GPC5: variants seen among roughly 807,000 people sequenced by gnomAD.
GPC5 encodes glypican 5.
Under a neutral mutation model 53.9 loss-of-function variants are expected in GPC5, and 47 were observed. That is an observed-to-expected ratio of 0.87 (90% confidence interval 0.69 to 1.11). The LOEUF is 1.11. Among genes scored for constraint, GPC5 ranks in the 50% most tolerant of loss-of-function variants. The pLI is 0.00. For synonymous variants in GPC5, 286 were observed against 263.3 expected (o/e 1.09, Z -0.84); for missense variants, 748 against 713.1 (o/e 1.05, Z -0.56).
intron 7 of GPC5, among the ~76,000 whole-genome samples, chr13:92,764,438 G>A (rs544114756): frequency 6.6e-6 from 1 of 152,328 alleles, no homozygotes; most frequent in Non-Finnish European, 1.5e-5. Context: ...CCTCTTAGGA[G>A]GAACACAGCC....
At chr13:92,219,507 C>T (rs1477894880) in intron 7 of GPC5, among the ~76,000 whole-genome samples, 1 of 152,102 alleles carries the variant, frequency 6.6e-6, no homozygotes, top group African/African-American at 2.4e-5. Flanking sequence ...CCCTACTTTC[C>T]ACACCCAAGT....
At chr13:91,525,276 A>G (rs1331376406) in intron 2 of GPC5, among the ~76,000 whole-genome samples, 5 of 152,226 alleles carry the variant, frequency 3.3e-5, no homozygotes, top group African/African-American at 1.2e-4. Flanking sequence ...TAAATTATGT[A>G]ATCAATAAAA....
intron 7 of GPC5, among the ~76,000 whole-genome samples, chr13:92,785,100 A>G (rs994129483): frequency 1.3e-5 from 2 of 151,864 alleles, no homozygotes; most frequent in African/African-American, 2.4e-5. Flanking sequence ...ACATGATGAA[A>G]CCCTGTCTCT....
chr13:91,681,169 G>C (rs557357698), intron 2 of GPC5, among the ~76,000 whole-genome samples: 2 of 152,206 alleles, frequency 1.3e-5, no homozygotes, highest in South Asian at 4.2e-4. Context: ...AATCGGCTTG[G>C]AGTTTTATTT....
At chr13:92,705,274 AT>A (rs1455808686) in intron 7 of GPC5, among the ~76,000 whole-genome samples, 2 of 152,086 alleles carry the variant, frequency 1.3e-5, no homozygotes, top group East Asian at 3.9e-4. Flanking sequence ...GTGAGGTTCT[AT>A]ATTCCAACTT....
chr13:92,588,915 G>T (rs1465977701), intron 7 of GPC5, among the ~76,000 whole-genome samples: 2 of 152,130 alleles, frequency 1.3e-5, no homozygotes, highest in Admixed American at 6.5e-5. Flanking sequence ...TTATGTAGAA[G>T]TCTCATCCTA....
At chr13:92,141,910 C>T (rs1256242281) in intron 6 of GPC5, among the ~76,000 whole-genome samples, 1 of 152,102 alleles carries the variant, frequency 6.6e-6, no homozygotes, top group Non-Finnish European at 1.5e-5. Flanking sequence ...CAGTTCCTTG[C>T]CATAGGACCT....
At chr13:92,078,179 G>C (rs984830322) in intron 6 of GPC5, among the ~76,000 whole-genome samples, 1 of 152,092 alleles carries the variant, frequency 6.6e-6, no homozygotes, top group African/African-American at 2.4e-5. Flanking sequence ...AGTGTTTTTG[G>C]ATAATTAATT....
chr13:91,830,247 A>C (rs1430215615), intron 5 of GPC5, among the ~76,000 whole-genome samples: 1 of 152,080 alleles, frequency 6.6e-6, no homozygotes, highest in African/African-American at 2.4e-5. Flanking sequence ...TGCTTTTGAA[A>C]GAAGAGAAAT....
chr13:91,989,565 G>A (rs1278390545), intron 6 of GPC5, among the ~76,000 whole-genome samples: 1 of 152,028 alleles, frequency 6.6e-6, no homozygotes, highest in African/African-American at 2.4e-5. Flanking sequence ...TTGCATTCAA[G>A]GATTACATAC....
chr13:92,587,273 A>C lies in GPC5; in HGVS notation c.1562-279009A>C, dbSNP rs1883568355. ...AAAGTTAATAACTACTTACATTTGT[A>C]AATCTACAAAATTATAAATGATAAC... On this transcript the variant is annotated intron_variant, in intron 7 of 7. Transcript: ENST00000377067. Among the ~76,000 whole-genome samples, 4 of 152,360 alleles carry C rather than the reference A, an allele frequency of 2.6e-5. No individual in the cohort carries two copies. The South Asian group carries it at 6.2e-4, about 24-fold the overall frequency.
chr13:91,911,842 G>A (rs2039613401), intron 6 of GPC5, among the ~76,000 whole-genome samples: 1 of 152,184 alleles, frequency 6.6e-6, no homozygotes, highest in Admixed American at 6.6e-5. Flanking sequence ...TTGGTGGGAT[G>A]ATAGTGTCAC....
At chr13:92,060,505 A>C (rs1405388178) in intron 6 of GPC5, among the ~76,000 whole-genome samples, 1 of 152,040 alleles carries the variant, frequency 6.6e-6, no homozygotes, top group African/African-American at 2.4e-5. Context: ...TATTCTTCTA[A>C]AATCTCTTTA....
intron 7 of GPC5, among the ~76,000 whole-genome samples, chr13:92,275,235 T>A (rs2139160514): frequency 6.6e-6 from 1 of 152,268 alleles, no homozygotes; most frequent in African/African-American, 2.4e-5. Flanking sequence ...TAATTTTCTT[T>A]AAAATACACA....
chr13:92,696,061 G>T (rs1422045419), intron 7 of GPC5, among the ~76,000 whole-genome samples: 1 of 152,158 alleles, frequency 6.6e-6, no homozygotes, highest in Non-Finnish European at 1.5e-5. Context: ...GTATTCCATG[G>T]TGTATATGTG....
intron 7 of GPC5, among the ~76,000 whole-genome samples, chr13:92,641,472 G>T (rs1885593410): frequency 6.6e-6 from 1 of 152,090 alleles, no homozygotes; most frequent in Non-Finnish European, 1.5e-5. Context: ...ACTAAATGCA[G>T]TATATGATTC....
chr13:91,798,854 C>G (rs1039723871), intron 5 of GPC5, among the ~76,000 whole-genome samples: 14 of 152,250 alleles, frequency 9.2e-5, no homozygotes, highest in African/African-American at 3.4e-4. Flanking sequence ...GTGTTCCTTT[C>G]TCTCTGCAAC....
intron 7 of GPC5, among the ~76,000 whole-genome samples, chr13:92,485,668 G>T (rs752512188): frequency 6.6e-6 from 1 of 152,164 alleles, no homozygotes; most frequent in Non-Finnish European, 1.5e-5. Flanking sequence ...TACAGCAGGT[G>T]GGTAAGATTT....
At chr13:91,693,996 TA>T (rs751215374) in intron 3 of GPC5, 115 bp downstream of exon 3, 113 of 775,668 alleles carry the variant, frequency 1.5e-4, no homozygotes, top group South Asian at 4.9e-4. Flanking sequence ...TCCAAGATAT[TA>T]TTTTTTTATA....
Sources: allele counts gnomAD v4.1 joint callset (sites outside exome capture counted in the v4.1 genomes callset), GRCh38; gene constraint gnomAD v4.1.1; transcripts MANE v1.5; gene names NCBI Gene and HGNC (gene_info 2026-07-23, HGNC 2026-07-21).